The following EGFR variants were observed in gnomAD, a reference collection of about 807,000 sequenced individuals.
EGFR encodes the protein epidermal growth factor receptor, also known as avian erythroblastic leukemia viral (v-erb-b) oncogene homolog.
EGFR carries 58 observed loss-of-function variants against 143.0 expected under a neutral mutation model. The observed-to-expected ratio is 0.41, with a 90% CI of 0.33 to 0.50. The LOEUF (loss-of-function observed/expected upper bound fraction) is 0.50, where lower values mean the gene tolerates loss of function less well. Ranked by LOEUF, EGFR falls within the 20% of genes least tolerant of loss-of-function variation. The pLI, the probability that EGFR is intolerant of heterozygous loss-of-function variation, is 0.39. For missense variants in EGFR, 1,307 were observed against 1,579.0 expected (o/e 0.83, Z 2.92); for synonymous variants, 613 against 594.4 (o/e 1.03, Z -0.45).
rs147896627 is a variant in EGFR at position 55,205,502 on chromosome 7, A to C, written c.3518A>C (p.Gln1173Pro). Residue 1173 changes from glutamine (Q) to proline (P), a missense_variant, in exon 28 of 28, where the codon CAG becomes CCG. Physicochemically the swap from Gln to Pro is moderately conservative, Grantham distance 76. Coordinates refer to ENST00000275493, the MANE Select transcript of EGFR (RefSeq NM_005228.5). ...HQISLDNPDY[Q>P]QDFFPKEAKP... ...ATTAGCCTGGACAACCCTGACTACC[A>C]GCAGGACTTCTTTCCCAAGGAAGCC... 2 of 1,614,118 alleles carry C rather than the reference A, an allele frequency of 1.2e-6. No individual in the cohort carries two copies. The highest frequency in any genetic ancestry group is 1.3e-5 in the African/African-American group (1 of 74,942).
intron 1 of EGFR, among the ~76,000 whole-genome samples, chr7:55,037,361 T>C (rs1008200206): frequency 1.3e-5 from 2 of 152,168 alleles, no homozygotes; most frequent in Non-Finnish European, 2.9e-5. Context: ...TTCCATCCCA[T>C]TCTCCCAAGC....
chr7:55,050,175 C>T (rs1788406711), intron 1 of EGFR, among the ~76,000 whole-genome samples: 1 of 152,182 alleles, frequency 6.6e-6, no homozygotes, highest in Non-Finnish European at 1.5e-5. Context: ...TAGCCATAAA[C>T]ACCATTCATC....
intron 19 of EGFR, among the ~76,000 whole-genome samples, chr7:55,175,106 T>G (rs1393263062): frequency 6.6e-6 from 1 of 152,228 alleles, no homozygotes. Flanking sequence ...GTGCTCTTGG[T>G]GAGCCTGGAG....
At chr7:55,115,613 A>G (rs1052341643) in intron 1 of EGFR, among the ~76,000 whole-genome samples, 1 of 152,196 alleles carries the variant, frequency 6.6e-6, no homozygotes, top group Non-Finnish European at 1.5e-5. Flanking sequence ...TCCTGAAGGT[A>G]TAGTGAAATT....
chr7:55,097,639 T>G (rs1791557750), intron 1 of EGFR, among the ~76,000 whole-genome samples: 1 of 152,210 alleles, frequency 6.6e-6, no homozygotes, highest in Non-Finnish European at 1.5e-5. Flanking sequence ...TACGTGTCAC[T>G]TTGTACCTGA....
rs992302542 is a variant in EGFR at position 55,168,639 on chromosome 7, A to G, written c.1881-2536A>G. ...AGTCCTGACACTATTCATTTGACAT[A>G]TGGAATTTTATAAATATTTTCTTTA... On this transcript the variant is annotated intron_variant, in intron 15 of 27. Coordinates refer to ENST00000275493, the MANE Select transcript of EGFR (RefSeq NM_005228.5). 1.7e-5 allele frequency: 26 copies of G among 1,495,414 alleles called. No individual in the cohort carries two copies. The African/African-American group carries it at 2.5e-4, about 15-fold the overall frequency. 92.6% of individuals were successfully genotyped at this position (1,495,414 alleles called of 1,614,324 possible).
intron 1 of EGFR, among the ~76,000 whole-genome samples, chr7:55,037,246 T>A (rs1787639282): frequency 6.6e-6 from 1 of 152,216 alleles, no homozygotes; most frequent in Non-Finnish European, 1.5e-5. Flanking sequence ...ATGTGTCAAA[T>A]GTCTACTGCA....
At chr7:55,192,381 GCC>G (rs1323826930) in intron 21 of EGFR, among the ~76,000 whole-genome samples, 7 of 152,258 alleles carry the variant, frequency 4.6e-5, no homozygotes, top group African/African-American at 1.4e-4. Context: ...CCCCTGTCAG[GCC>G]CTCGAATGCC....
At chr7:55,045,347 C>T (rs923183281) in intron 1 of EGFR, among the ~76,000 whole-genome samples, 4 of 152,116 alleles carry the variant, frequency 2.6e-5, no homozygotes, top group Middle Eastern at 3.2e-3. Flanking sequence ...AAATAAATTA[C>T]GTATATTTTA....
chr7:55,123,893 G>A (rs999810100), intron 1 of EGFR, among the ~76,000 whole-genome samples: 3 of 152,126 alleles, frequency 2.0e-5, no homozygotes, highest in Non-Finnish European at 4.4e-5. Flanking sequence ...GGATGTGTGT[G>A]TGTGTGCATG....
chr7:55,079,649 T>C (rs1479526279), intron 1 of EGFR, among the ~76,000 whole-genome samples: 1 of 152,162 alleles, frequency 6.6e-6, no homozygotes, highest in African/African-American at 2.4e-5. Context: ...GACAGGGTCC[T>C]TTGCTGCCGT....
intron 14 of EGFR, among the ~76,000 whole-genome samples, chr7:55,164,671 C>A (rs1462365869): frequency 6.6e-6 from 1 of 152,206 alleles, no homozygotes; most frequent in Non-Finnish European, 1.5e-5. Flanking sequence ...GAAAGCCTTT[C>A]CCTGCTGGTT....
chr7:55,074,587 C>T (rs1317890896), intron 1 of EGFR, among the ~76,000 whole-genome samples: 3 of 152,132 alleles, frequency 2.0e-5, no homozygotes, highest in Admixed American at 6.5e-5. Flanking sequence ...TTTTAAATAT[C>T]GTCTTGCTTG....
intron 1 of EGFR, 25 bp downstream of exon 1, chr7:55,019,390 C>G (rs1283756329): frequency 7.3e-7 from 1 of 1,379,078 alleles, no homozygotes; most frequent in Non-Finnish European, 9.5e-7. Context: ...CGCCGGCTCC[C>G]GCGCCGCCCC....
At chr7:55,164,286 C>A (rs1430224503) in intron 14 of EGFR, among the ~76,000 whole-genome samples, 1 of 152,140 alleles carries the variant, frequency 6.6e-6, no homozygotes, top group Non-Finnish European at 1.5e-5. Flanking sequence ...TTACAATAAT[C>A]TTTTAAAGAA....
Position 55,152,457 on chromosome 7 carries a change from T to A in EGFR, c.629-89T>A, listed in dbSNP as rs773450086. 2.2e-4 allele frequency: 263 copies of A among 1,214,040 alleles called. No homozygotes were observed. Among genetic ancestry groups the A allele is most frequent in the Non-Finnish European group, 3.1e-4 (252 of 815,578 alleles). 75.2% of individuals were successfully genotyped at this position (1,214,040 alleles called of 1,614,324 possible). A position where few individuals can be genotyped will look rare whatever the true frequency, so the allele number is the denominator to read the frequency against. On this transcript the variant is annotated intron_variant, in intron 5 of 27. Coordinates refer to ENST00000275493, the MANE Select transcript of EGFR (RefSeq NM_005228.5). The stretch of plus-strand genomic sequence containing the variant: ...AAGCAAATGTGTCTTCACTTTTTCA[T>A]GAAAAAGTCTGCAAGTGCTCTGCGA...
At chr7:55,150,238 G>A (rs192293662) in intron 4 of EGFR, among the ~76,000 whole-genome samples, 2 of 152,306 alleles carry the variant, frequency 1.3e-5, no homozygotes, top group East Asian at 1.9e-4. Context: ...GGGATTGCAC[G>A]CTACAGATCT....
intron 20 of EGFR, among the ~76,000 whole-genome samples, chr7:55,187,785 A>C (rs1307825557): frequency 6.6e-6 from 1 of 151,836 alleles, no homozygotes; most frequent in East Asian, 1.9e-4. Flanking sequence ...CCCATCCCTT[A>C]CCTCTACCAG....
chr7:55,020,777 C>A (rs1452238930), intron 1 of EGFR, among the ~76,000 whole-genome samples: 1 of 151,824 alleles, frequency 6.6e-6, no homozygotes, highest in Non-Finnish European at 1.5e-5. Flanking sequence ...CTGTTGATGT[C>A]ATTGGCTTGG....
Sources: allele counts gnomAD v4.1 joint callset (sites outside exome capture counted in the v4.1 genomes callset), GRCh38; gene constraint gnomAD v4.1.1; transcripts MANE v1.5; gene names NCBI Gene and HGNC (gene_info 2026-07-23, HGNC 2026-07-21).